Variants in DNAJC5 observed in about 807,000 individuals in gnomAD.
DNAJC5 encodes the protein DnaJ heat shock protein family (Hsp40) member C5, also known as dnaJ homolog subfamily C member 5.
DNAJC5 carries 1 observed loss-of-function variant against 23.2 expected under a neutral mutation model. The ratio of observed to expected loss-of-function variants is 0.04; its 90% CI spans 0.02 to 0.20. The LOEUF is 0.20. Among genes scored for constraint, DNAJC5 ranks in the 10% least tolerant of loss-of-function variants. The pLI is 1.00. For synonymous variants in DNAJC5, 136 were observed against 120.0 expected, an observed-to-expected ratio of 1.13 and a Z score of -0.87; for missense variants, 180 against 267.0, an observed-to-expected ratio of 0.67 and a Z score of 2.27.
At chr20:63,897,784 C>T (rs567304863) in intron 1 of DNAJC5, among the ~76,000 whole-genome samples, 1 of 152,268 alleles carries the variant, frequency 6.6e-6, no homozygotes, top group South Asian at 2.1e-4. Context: ...GCATGAGGCC[C>T]TTCAGCTGTG....
rs1248785503 is a variant in DNAJC5 at position 63,897,588 on chromosome 20, A to AT, written c.-12+2265_-12+2266insT. Among the ~76,000 whole-genome samples, 5 of 152,272 alleles carry AT rather than the reference A, an allele frequency of 3.3e-5. No individual in the cohort carries two copies. In the East Asian group the frequency reaches 7.7e-4, roughly 23 times the overall value. On this transcript the variant is annotated intron_variant, in intron 1 of 4. Transcript: ENST00000360864. ...GTCTCAAATAAATAAAAATAAATAA[A>AT]AAGTCAGATCTGCCAGTGGTAATAA...
At chr20:63,917,834 T>C (rs1284981577) in intron 1 of DNAJC5, among the ~76,000 whole-genome samples, 1 of 152,168 alleles carries the variant, frequency 6.6e-6, no homozygotes, top group Non-Finnish European at 1.5e-5. Context: ...TGGGATTATT[T>C]TTTAAGCAGT....
In DNAJC5 at chr20:63,931,751, A is replaced by G; in HGVS notation, c.*183A>G. The G allele has an allele frequency of 1.5e-6, 1 of 665,360 alleles. No homozygotes were observed. The highest frequency in any genetic ancestry group is 1.6e-5 in the South Asian group (1 of 62,372). The allele number at this position is 665,360 out of a possible 1,614,324, so 41.2% of individuals were successfully genotyped here. A position where few individuals can be genotyped will look rare whatever the true frequency, so the allele number is the denominator to read the frequency against. ...ACCCACGAAGTGCGTAGCATGCAGT[A>G]TTTAAAGCAGTGTAGCTACGGTCTT... On this transcript the variant is annotated 3_prime_UTR_variant, in exon 5 of 5. Transcript: ENST00000360864. The surrounding 1 kb of genome is among the most constrained non-coding windows in gnomAD (Gnocchi z 9.6).
intron 1 of DNAJC5, among the ~76,000 whole-genome samples, chr20:63,916,706 G>A (rs774157298): frequency 3.9e-5 from 6 of 152,262 alleles, no homozygotes; most frequent in African/African-American, 9.6e-5. Context: ...AGACCAGGGC[G>A]TATTTCAGTC....
Position 63,931,890 on chromosome 20 carries a change from G to A in DNAJC5, c.*322G>A, listed in dbSNP as rs143646564. 1.1e-4 allele frequency: 43 copies of A among 403,368 alleles called. No homozygotes were observed. The Middle Eastern group carries it at 2.4e-3, about 23-fold the overall frequency. 25.0% of individuals were successfully genotyped at this position (403,368 alleles called of 1,614,324 possible). On this transcript the variant is annotated 3_prime_UTR_variant, in exon 5 of 5. Transcript: ENST00000360864. This position sits in a 1 kb window ranked among gnomAD's most constrained non-coding sequence, Gnocchi z 9.6. ...ACGGTGGAGCTGCCTCAGGGCTGTC[G>A]GTCAGGTTGGTCCAGTGAGGGGTGA...
intron 1 of DNAJC5, among the ~76,000 whole-genome samples, chr20:63,907,031 G>A (rs532084168): frequency 1.5e-4 from 23 of 152,160 alleles, no homozygotes; most frequent in East Asian, 7.7e-4. Flanking sequence ...CAAGGCTGCC[G>A]TGAGGTGTGA....
At chr20:63,914,677 G>A (rs1204009543) in intron 1 of DNAJC5, among the ~76,000 whole-genome samples, 1 of 149,570 alleles carries the variant, frequency 6.7e-6, no homozygotes, top group East Asian at 2.0e-4. Context: ...GTGTGGTGGC[G>A]TGATCTTGGC....
At chr20:63,909,672 C>T (rs1446139811) in intron 1 of DNAJC5, among the ~76,000 whole-genome samples, 2 of 152,158 alleles carry the variant, frequency 1.3e-5, no homozygotes, top group African/African-American at 4.8e-5. Flanking sequence ...CAGAGCAAGA[C>T]TCCGTCTCAA....
intron 1 of DNAJC5, among the ~76,000 whole-genome samples, chr20:63,900,274 G>A (rs1386497471): frequency 6.6e-6 from 1 of 152,020 alleles, no homozygotes; most frequent in African/African-American, 2.4e-5. Flanking sequence ...GACCAGGTTT[G>A]GGACATGTCT....
intron 1 of DNAJC5, among the ~76,000 whole-genome samples, chr20:63,918,809 T>C (rs2146289368): frequency 6.6e-6 from 1 of 152,342 alleles, no homozygotes; most frequent in Admixed American, 6.5e-5. Context: ...TTAGCCAGGA[T>C]GGTCTCGATC....
intron 1 of DNAJC5, among the ~76,000 whole-genome samples, chr20:63,897,757 T>C (rs2053384596): frequency 6.6e-6 from 1 of 152,204 alleles, no homozygotes; most frequent in South Asian, 2.1e-4. Flanking sequence ...TGAGAGTGAC[T>C]GTGGCTGATC....
chr20:63,909,517 G>C (rs2053469111), intron 1 of DNAJC5, among the ~76,000 whole-genome samples: 1 of 144,642 alleles, frequency 6.9e-6, no homozygotes, highest in Non-Finnish European at 1.5e-5. Context: ...ACAACAACAA[G>C]AACAACAACA....
intron 1 of DNAJC5, among the ~76,000 whole-genome samples, chr20:63,904,547 T>G (rs2053434918): frequency 6.6e-6 from 1 of 152,180 alleles, no homozygotes; most frequent in Non-Finnish European, 1.5e-5. Flanking sequence ...TCTTAGTGTG[T>G]CTGACCTCCA....
chr20:63,913,569 G>T (rs1309514275), intron 1 of DNAJC5, among the ~76,000 whole-genome samples: 1 of 150,182 alleles, frequency 6.7e-6, no homozygotes, highest in African/African-American at 2.5e-5. Flanking sequence ...GCTGATTTTT[G>T]TATTTTTATT....
chr20:63,898,498 C>G (rs140710457), intron 1 of DNAJC5, among the ~76,000 whole-genome samples: 1 of 152,254 alleles, frequency 6.6e-6, no homozygotes, highest in African/African-American at 2.4e-5. Context: ...CTGCACAAGA[C>G]ATAGAGAAGA....
chr20:63,922,513 C>G (rs2053581491), intron 1 of DNAJC5, among the ~76,000 whole-genome samples: 1 of 151,340 alleles, frequency 6.6e-6, no homozygotes, highest in South Asian at 2.1e-4. Context: ...CTCCTGTGAT[C>G]TCGGCACTTT....
At chr20:63,925,826 T>G (rs1239172173) in intron 1 of DNAJC5, among the ~76,000 whole-genome samples, 6 of 57,966 alleles carry the variant, frequency 1.0e-4, no homozygotes, top group Admixed American at 5.6e-4. Flanking sequence ...TTTTATCTGG[T>G]TTTTTTTTTT....
In DNAJC5 at chr20:63,928,491, G is replaced by T; in HGVS notation, c.107+39G>T. The T allele has an allele frequency of 6.6e-7, 1 of 1,526,544 alleles. No individual in the cohort carries two copies. The highest frequency in any genetic ancestry group is 9.1e-7 in the Non-Finnish European group (1 of 1,100,672). 94.6% of individuals were successfully genotyped at this position (1,526,544 alleles called of 1,614,324 possible). A position where few individuals can be genotyped will look rare whatever the true frequency, so the allele number is the denominator to read the frequency against. On this transcript the variant is annotated intron_variant, in intron 2 of 4. Coordinates refer to ENST00000360864, the MANE Select transcript of DNAJC5 (RefSeq NM_025219.3). This position sits in a 1 kb window ranked among gnomAD's most constrained non-coding sequence, Gnocchi z 4.6. ...TGTGGCCCCCACATCCCCCCAGGAA[G>T]ACACACATGCCCCGTGTGGTTTAGT...
At position 63,929,737 on chromosome 20, in the gene DNAJC5, C is replaced by T. The variant is rs1203576670; in HGVS notation, c.321+212C>T. Among the ~76,000 whole-genome samples the T allele has an allele frequency of 6.6e-6, 1 of 152,090 alleles. No individual in the cohort carries two copies. Among genetic ancestry groups the T allele is most frequent in the South Asian group, 2.1e-4 (1 of 4,820 alleles). ...CCGAGTCACTCCTGCCGTGCGGGCA[C>T]CCGAGTCTCTCCTGCCATGTGGGCA... On this transcript the variant is annotated intron_variant, in intron 3 of 4. Transcript: ENST00000360864. This position sits in a 1 kb window ranked among gnomAD's most constrained non-coding sequence, Gnocchi z 8.6.
Sources: gnomAD v4.1 joint callset for allele counts (sites outside exome capture counted in the v4.1 genomes callset) on GRCh38, gnomAD v4.1.1 for gene constraint, Gnocchi (gnomAD v3.1) non-coding constraint, MANE v1.5 for transcripts, NCBI Gene and HGNC (gene_info 2026-07-23, HGNC 2026-07-21) for gene names.